CCDC158: variants seen among roughly 807,000 people sequenced by gnomAD.
The protein encoded by CCDC158 is coiled-coil domain-containing protein 158.
A neutral mutation model predicts 138.6 loss-of-function variants in CCDC158; 116 were observed. The observed-to-expected ratio is 0.84, with a 90% confidence interval of 0.72 to 0.98. CCDC158 has a LOEUF of 0.98. Ranked by LOEUF, CCDC158 falls within the 50% of genes least tolerant of loss-of-function variation. The probability of loss-of-function intolerance (pLI) is 0.00; values close to 1 mark genes in which losing one functional copy is unlikely to be tolerated. For missense variants in CCDC158, 1,265 were observed against 1,306.1 expected, an observed-to-expected ratio of 0.97 and a Z score of 0.48; for synonymous variants, 436 against 442.4, an observed-to-expected ratio of 0.99 and a Z score of 0.18.
intron 1 of CCDC158, among the ~76,000 whole-genome samples, chr4:76,417,172 G>C (rs1172420499): frequency 1.3e-5 from 2 of 152,192 alleles, no homozygotes; most frequent in Non-Finnish European, 2.9e-5. Flanking sequence ...TTTAAAATTT[G>C]ACTGCCCTGC....
chr4:76,416,783 T>C (rs1288156876), intron 1 of CCDC158, among the ~76,000 whole-genome samples: 1 of 152,184 alleles, frequency 6.6e-6, no homozygotes, highest in Admixed American at 6.5e-5. Context: ...AGATGTCAGA[T>C]GTATGGAAAC....
intron 2 of CCDC158, 46 bp downstream of exon 2, chr4:76,412,044 T>A (rs1482396230): frequency 1.3e-5 from 2 of 152,242 alleles, no homozygotes; most frequent in Admixed American, 6.5e-5. Flanking sequence ...ATCAGTTGTA[T>A]ATGTTCACAA....
rs1200199790 is a variant in CCDC158 at position 76,362,296 on chromosome 4, T to A, written c.1850A>T (p.Asp617Val). The change falls in exon 13 of 25, where the codon GAT becomes GTT. Residue 617 changes from aspartate (D) to valine (V), a missense_variant. By Grantham distance (152) the Asp-to-Val change is radical (BLOSUM62 -3). Coordinates refer to ENST00000682701, the MANE Select transcript of CCDC158 (RefSeq NM_001394954.1). ...KELKILKDKK[D>V]AKIRELEARV... ...GGCCTCAAGCTCCCGGATCTTTGCA[T>A]CTTTTTTATCTTTTAATATCTAAAT... The A allele has an allele frequency of 6.2e-7, 1 of 1,611,684 alleles. No individual in the cohort carries two copies. Among genetic ancestry groups the A allele is most frequent in the East Asian group, 2.2e-5 (1 of 44,876 alleles).
chr4:76,382,206 G>T (rs112208950), intron 8 of CCDC158, among the ~76,000 whole-genome samples: 4,481 of 152,150 alleles, frequency 0.029, 222 homozygotes, highest in African/African-American at 0.1. Flanking sequence ...GCCATGGTAT[G>T]ATGTGCTTGC....
intron 9 of CCDC158, among the ~76,000 whole-genome samples, chr4:76,376,511 A>G (rs1219096822): frequency 1.3e-5 from 2 of 152,252 alleles, no homozygotes; most frequent in African/African-American, 4.8e-5. Context: ...AGCAATGCCA[A>G]GTCATATGAA....
intron 10 of CCDC158, among the ~76,000 whole-genome samples, chr4:76,371,013 T>A (rs1043140373): frequency 3.3e-5 from 5 of 152,238 alleles, no homozygotes; most frequent in African/African-American, 9.6e-5. Flanking sequence ...GGCTTCATTA[T>A]GAGCACAATC....
chr4:76,363,995 G>A (rs1724408853), intron 12 of CCDC158, among the ~76,000 whole-genome samples: 1 of 151,984 alleles, frequency 6.6e-6, no homozygotes, highest in South Asian at 2.1e-4. Flanking sequence ...CTTTGACTAG[G>A]GTAGGGAATG....
chr4:76,378,813 T>G (rs1264148528), intron 9 of CCDC158, among the ~76,000 whole-genome samples: 1 of 152,202 alleles, frequency 6.6e-6, no homozygotes, highest in African/African-American at 2.4e-5. Context: ...AGGAATTACA[T>G]GATGATGAGA....
chr4:76,380,847 C>T (rs111771094), intron 8 of CCDC158, among the ~76,000 whole-genome samples: 9 of 152,190 alleles, frequency 5.9e-5, no homozygotes, highest in South Asian at 2.1e-4. Flanking sequence ...TCGCTCTGTG[C>T]GTCCTCGGTA....
chr4:76,361,120 C>A (rs1393280062), intron 13 of CCDC158, among the ~76,000 whole-genome samples: 2 of 152,200 alleles, frequency 1.3e-5, no homozygotes, highest in African/African-American at 4.8e-5. Flanking sequence ...TGTGTGCTCT[C>A]TCTCTGTCTC....
In CCDC158 at chr4:76,353,287, A is replaced by G. The variant is rs1723228505; in HGVS notation, c.2287-6T>C. ...TCTTTCAGAAAATGTTTCTCCTACA[A>G]TTATATGAGAGAAAAACATCAGAAA... On this transcript the variant is annotated splice_polypyrimidine_tract_variant and splice_region_variant and intron_variant, in intron 15 of 24. Transcript: ENST00000682701. 6.3e-7 allele frequency: 1 copy of G among 1,590,402 alleles called. No individual in the cohort carries two copies. The highest frequency in any genetic ancestry group is 8.6e-7 in the Non-Finnish European group (1 of 1,166,760).
At chr4:76,351,679 G>A (rs1723052702) in intron 17 of CCDC158, 41 bp downstream of exon 17, 6 of 1,160,848 alleles carry the variant, frequency 5.2e-6, no homozygotes, top group Non-Finnish European at 6.5e-6. Flanking sequence ...ATCAAAGAAC[G>A]GCATTATTTT....
intron 24 of CCDC158, among the ~76,000 whole-genome samples, chr4:76,317,067 G>GA (rs1018882534): frequency 4.8e-4 from 67 of 140,178 alleles, no homozygotes; most frequent in African/African-American, 1.2e-3. Flanking sequence ...ATAACACAAT[G>GA]AAAAAAAAAA....
chr4:76,326,070 C>T lies in CCDC158; in HGVS notation c.3011-55G>A. On this transcript the variant is annotated intron_variant, in intron 22 of 24. Transcript: ENST00000682701. Reference sequence around the variant, plus strand: ...GACAGAATTAATTAAAAATAGCAAACTGCACCTCTCAAAAAGTCAAGCTTT... The same window carrying T: ...GACAGAATTAATTAAAAATAGCAAATTGCACCTCTCAAAAAGTCAAGCTTT... 3 of 1,386,170 alleles carry T rather than the reference C, an allele frequency of 2.2e-6. 1 individual carries two copies. In the South Asian group the frequency reaches 3.9e-5, roughly 18 times the overall value. 85.9% of individuals were successfully genotyped at this position (1,386,170 alleles called of 1,614,324 possible). A position where few individuals can be genotyped will look rare whatever the true frequency, so the allele number is the denominator to read the frequency against.
At chr4:76,338,991 G>A (rs1221205441) in intron 18 of CCDC158, among the ~76,000 whole-genome samples, 2 of 152,118 alleles carry the variant, frequency 1.3e-5, no homozygotes, top group African/African-American at 4.8e-5. Context: ...AATACCAAGA[G>A]TCCTACTTAA....
In CCDC158 at chr4:76,377,468, C is replaced by T. The variant is rs112901010; in HGVS notation, c.1029+1822G>A. On this transcript the variant is annotated intron_variant, in intron 9 of 24. Transcript: ENST00000682701. Reference sequence around the variant, plus strand: ...GCTCTCACTTCTGCCAGAGTGCCTACCTCCACTAGACCCAAGTGAAAAAGC... The same window carrying T: ...GCTCTCACTTCTGCCAGAGTGCCTATCTCCACTAGACCCAAGTGAAAAAGC... 5.3e-3 allele frequency among the ~76,000 whole-genome samples: 806 copies of T among 152,316 alleles called. 5 individuals carry two copies. The highest frequency in any genetic ancestry group is 0.014 in the South Asian group (68 of 4,818).
chr4:76,345,338 C>T (rs1722443342), intron 18 of CCDC158: 2 of 1,121,160 alleles, frequency 1.8e-6, no homozygotes, highest in Non-Finnish European at 2.7e-6. Flanking sequence ...ATTATGAGAA[C>T]TCAAACAAAG....
intron 24 of CCDC158, among the ~76,000 whole-genome samples, chr4:76,319,465 A>T (rs28795092): frequency 9.9e-4 from 22 of 22,204 alleles, no homozygotes; most frequent in Non-Finnish European, 1.5e-3. Flanking sequence ...AAAAAAAAAA[A>T]ATATATATAT....
At chr4:76,319,022 C>T (rs371259345) in intron 24 of CCDC158, among the ~76,000 whole-genome samples, 2 of 152,210 alleles carry the variant, frequency 1.3e-5, no homozygotes, top group African/African-American at 4.8e-5. Flanking sequence ...CCTGTAATCC[C>T]AGCACTTTAG....
Sources: gnomAD v4.1 joint callset for allele counts (sites outside exome capture counted in the v4.1 genomes callset) on GRCh38, gnomAD v4.1.1 for gene constraint, MANE v1.5 for transcripts, NCBI Gene and HGNC (gene_info 2026-07-23, HGNC 2026-07-21) for gene names.